Variants in HIKESHI observed in about 807,000 individuals in gnomAD.
HIKESHI encodes the protein protein Hikeshi.
HIKESHI carries 13 observed loss-of-function variants against 25.7 expected under a neutral mutation model. The observed-to-expected ratio is 0.51, with a 90% CI of 0.33 to 0.80. The LOEUF (loss-of-function observed/expected upper bound fraction) is 0.80. HIKESHI is among the 30% of genes least tolerant of loss of function. HIKESHI has a pLI of 0.02. For missense variants in HIKESHI, 174 were observed against 229.5 expected, an observed-to-expected ratio of 0.76 and a Z score of 1.56; for synonymous variants, 76 against 78.7, an observed-to-expected ratio of 0.97 and a Z score of 0.18.
intron 1 of HIKESHI, among the ~76,000 whole-genome samples, chr11:86,304,131 TTG>T (rs1946560782): frequency 3.3e-5 from 5 of 152,190 alleles, no homozygotes; most frequent in African/African-American, 9.7e-5. Flanking sequence ...GAATCAGAAT[TTG>T]ACTTTAGGAA....
At chr11:86,344,882 C>A in intron 4 of HIKESHI, 161 bp downstream of exon 4, 1 of 506,370 alleles carries the variant, frequency 2.0e-6, no homozygotes, top group Non-Finnish European at 3.4e-6. Context: ...TGATGAGAAA[C>A]AGTTCTTACC....
intron 2 of HIKESHI, among the ~76,000 whole-genome samples, chr11:86,330,866 ATT>A (rs1344131689): frequency 6.6e-6 from 1 of 152,228 alleles, no homozygotes; most frequent in Non-Finnish European, 1.5e-5. Flanking sequence ...TCTTTTCAGT[ATT>A]CAGACAGTCA....
At chr11:86,333,058 G>A (rs1373252601) in intron 2 of HIKESHI, among the ~76,000 whole-genome samples, 1 of 152,188 alleles carries the variant, frequency 6.6e-6, no homozygotes, top group African/African-American at 2.4e-5. Context: ...GACAGAGGAA[G>A]AAGTTTCACA....
intron 2 of HIKESHI, among the ~76,000 whole-genome samples, chr11:86,329,456 T>C (rs1947365564): frequency 6.6e-6 from 1 of 152,196 alleles, no homozygotes; most frequent in Non-Finnish European, 1.5e-5. Flanking sequence ...TGATATATAT[T>C]GAATATCTTG....
chr11:86,308,185 C>CATATAAAATATATATTAT (rs71040228), intron 2 of HIKESHI, among the ~76,000 whole-genome samples: 1 of 82,106 alleles, frequency 1.2e-5, no homozygotes, highest in African/African-American at 5.4e-5. Context: ...ATATATATTA[C>CATATAAAATATATATTAT]ATATAAAATA....
At chr11:86,328,948 G>T (rs920351245) in intron 2 of HIKESHI, among the ~76,000 whole-genome samples, 1 of 150,304 alleles carries the variant, frequency 6.7e-6, no homozygotes, top group Non-Finnish European at 1.5e-5. Context: ...ACACACACAC[G>T]CTCCTCACAT....
intron 2 of HIKESHI, among the ~76,000 whole-genome samples, chr11:86,307,951 ATATATAT>A (rs1391372685): frequency 9.3e-4 from 24 of 25,906 alleles, no homozygotes; most frequent in African/African-American, 4.2e-3. Flanking sequence ...ATTATGTGTA[ATATATAT>A]TATATAAAAT....
intron 3 of HIKESHI, 150 bp from the exon 4 acceptor site, chr11:86,344,453 C>T: frequency 2.0e-6 from 1 of 492,654 alleles, no homozygotes; most frequent in Non-Finnish European, 3.5e-6. Context: ...CAGGCATGAG[C>T]CACCGCACCC....
At chr11:86,333,010 T>C (rs569509092) in intron 2 of HIKESHI, among the ~76,000 whole-genome samples, 1 of 150,762 alleles carries the variant, frequency 6.6e-6, no homozygotes, top group East Asian at 2.0e-4. Flanking sequence ...ATTCATACTT[T>C]TAAATATTTT....
At chr11:86,312,199 C>G (rs1187292410) in intron 2 of HIKESHI, among the ~76,000 whole-genome samples, 1 of 152,138 alleles carries the variant, frequency 6.6e-6, no homozygotes, top group Middle Eastern at 3.2e-3. Context: ...GAGTCTAAGT[C>G]TCTTTGTAGG....
chr11:86,318,826 A>G (rs565776164), intron 2 of HIKESHI, among the ~76,000 whole-genome samples: 3 of 152,332 alleles, frequency 2.0e-5, no homozygotes, highest in South Asian at 2.1e-4. Context: ...AGATTCTACA[A>G]TTAGAACATG....
chr11:86,315,976 A>G (rs536854207), intron 2 of HIKESHI, among the ~76,000 whole-genome samples: 25 of 152,210 alleles, frequency 1.6e-4, no homozygotes, highest in African/African-American at 6.0e-4. Flanking sequence ...AAGTAATCCT[A>G]TTAAAAATGT....
In HIKESHI at chr11:86,302,318, C is replaced by T. The variant is rs914889772; in HGVS notation, c.-131C>T. On this transcript the variant is annotated 5_prime_UTR_variant, in exon 1 of 5. Transcript: ENST00000278483. ...GAGGCATTCTTGCCGCTGGCCCAGT[C>T]ACTATGTAGTGGAGGGGCAGACACC... 3 of 1,100,542 alleles carry T rather than the reference C, an allele frequency of 2.7e-6. No homozygotes were observed. The highest frequency in any genetic ancestry group is 4.0e-6 in the Non-Finnish European group (3 of 749,364). The allele number at this position is 1,100,542 out of a possible 1,614,324, so 68.2% of individuals were successfully genotyped here. A position where few individuals can be genotyped will look rare whatever the true frequency, so the allele number is the denominator to read the frequency against.
At chr11:86,308,181 A>G (rs1228110554) in intron 2 of HIKESHI, among the ~76,000 whole-genome samples, 1 of 133,652 alleles carries the variant, frequency 7.5e-6, no homozygotes, top group Non-Finnish European at 1.5e-5. Context: ...TAAAATATAT[A>G]TTACATATAA....
chr11:86,345,412 A>G (rs1021696643), intron 4 of HIKESHI, 172 bp from the exon 5 acceptor site: 12 of 498,114 alleles, frequency 2.4e-5, no homozygotes, highest in Non-Finnish European at 3.9e-5. Flanking sequence ...TTAAATTCCT[A>G]TGCTTGCTGT....
At chr11:86,325,015 C>A (rs1565733166) in intron 2 of HIKESHI, among the ~76,000 whole-genome samples, 1 of 151,668 alleles carries the variant, frequency 6.6e-6, no homozygotes, top group African/African-American at 2.4e-5. Context: ...TCTGCCTCTA[C>A]AAAAAATAAA....
intron 2 of HIKESHI, among the ~76,000 whole-genome samples, chr11:86,331,047 A>T (rs1171294011): frequency 6.6e-6 from 1 of 152,202 alleles, no homozygotes; most frequent in Non-Finnish European, 1.5e-5. Context: ...TGGAGATAAT[A>T]CCTGCAGTGC....
At chr11:86,339,331 A>T (rs938672678) in intron 3 of HIKESHI, among the ~76,000 whole-genome samples, 29 of 152,172 alleles carry the variant, frequency 1.9e-4, no homozygotes, top group Non-Finnish European at 3.8e-4. Flanking sequence ...TTCAGGCGTG[A>T]GCCACCGCGC....
chr11:86,329,369 A>G (rs1565736138), intron 2 of HIKESHI, among the ~76,000 whole-genome samples: 3 of 152,002 alleles, frequency 2.0e-5, no homozygotes, highest in African/African-American at 2.4e-5. Context: ...TAAATTTCCA[A>G]TTATTTGTTG....
Sources: allele counts gnomAD v4.1 joint callset (sites outside exome capture counted in the v4.1 genomes callset), GRCh38; gene constraint gnomAD v4.1.1; transcripts MANE v1.5; gene names NCBI Gene and HGNC (gene_info 2026-07-23, HGNC 2026-07-21).